The following GPC3 variants were observed in gnomAD, a reference collection of about 807,000 sequenced individuals.
GPC3 encodes the protein glypican-3.
In GPC3, 3 loss-of-function variants were observed where a neutral mutation model predicts 34.4. The observed-to-expected ratio is 0.09, with a 90% CI of 0.04 to 0.23. The LOEUF (loss-of-function observed/expected upper bound fraction) is 0.23, where lower values mean the gene tolerates loss of function less well. Ranked by LOEUF, GPC3 falls within the 10% of genes least tolerant of loss-of-function variation. The pLI is 1.00. For synonymous variants in GPC3, 177 were observed against 174.0 expected (o/e 1.02, Z -0.13); for missense variants, 351 against 445.6 (o/e 0.79, Z 1.91).
chrX:133,889,260 G>A (rs1036321016), intron 2 of GPC3, among the ~76,000 whole-genome samples: 4 of 112,039 alleles, frequency 3.6e-5, no homozygotes, highest in African/African-American at 1.3e-4. Flanking sequence ...TAATTTTTCA[G>A]TAAAAGCCAA....
intron 2 of GPC3, among the ~76,000 whole-genome samples, chrX:133,856,142 G>A (rs1332794551): frequency 1.8e-5 from 2 of 112,001 alleles, no homozygotes; most frequent in African/African-American, 6.5e-5. Context: ...ACAGAAGAGC[G>A]ACTGCTGAGT....
chrX:133,809,860 A>G (rs1438491099), intron 2 of GPC3, among the ~76,000 whole-genome samples: 4 of 111,574 alleles, frequency 3.6e-5, no homozygotes, highest in African/African-American at 1.3e-4. Flanking sequence ...ACTACTGGTA[A>G]TAAAGTTTCT....
At position 133,640,523 on chromosome X, in the gene GPC3, G is replaced by A. The variant is rs780455202; in HGVS notation, c.1413+21207C>T. ...GGGAACTATGTCCCAAAAGCACGCC[G>A]CTCTGGCAGCCTCTGCCGAAGGCCC... is the stretch of plus-strand genomic sequence containing the variant. On this transcript the variant is annotated intron_variant, in intron 6 of 7. Transcript: ENST00000370818. 5.9e-4 allele frequency among the ~76,000 whole-genome samples: 66 copies of A among 112,334 alleles called. 2 individuals are homozygous for A. The highest frequency in any genetic ancestry group is 3.2e-5 in the African/African-American group (1 of 30,894).
chrX:133,849,947 T>G (rs2075864615), intron 2 of GPC3, among the ~76,000 whole-genome samples: 1 of 111,785 alleles, frequency 8.9e-6, no homozygotes, highest in South Asian at 3.8e-4. Context: ...ACAGCCATCT[T>G]CTGGGTTTAA....
At chrX:133,643,836 T>C (rs970350225) in intron 6 of GPC3, among the ~76,000 whole-genome samples, 15 of 108,789 alleles carry the variant, frequency 1.4e-4, no homozygotes, top group Non-Finnish European at 5.7e-5. Flanking sequence ...TTTATGTTTT[T>C]TTTTTTTTTG....
At chrX:133,578,942 T>C (rs1022640615) in intron 7 of GPC3, among the ~76,000 whole-genome samples, 2 of 110,463 alleles carry the variant, frequency 1.8e-5, no homozygotes, top group Admixed American at 1.9e-4. Flanking sequence ...TGCTACAGGA[T>C]CAAGACCAAG....
chrX:133,936,845 C>T (rs2076325540), intron 2 of GPC3, among the ~76,000 whole-genome samples: 1 of 111,793 alleles, frequency 8.9e-6, no homozygotes, highest in East Asian at 2.8e-4. Context: ...TAACCTGGAG[C>T]TTCCACATTT....
intron 2 of GPC3, among the ~76,000 whole-genome samples, chrX:133,883,594 T>TA (rs777016673): frequency 1.3e-4 from 14 of 111,989 alleles, no homozygotes; most frequent in African/African-American, 3.6e-4. Context: ...AGAAGGCAAT[T>TA]AAGCTGAAGA....
chrX:133,555,810 A>G (rs929623844), intron 7 of GPC3, among the ~76,000 whole-genome samples: 4 of 107,752 alleles, frequency 3.7e-5, no homozygotes, highest in Non-Finnish European at 7.7e-5. Context: ...CCTGGGTGAC[A>G]AGGCGAGACT....
chrX:133,650,166 G>T lies in GPC3; in HGVS notation c.1413+11564C>A, dbSNP rs189685797. On this transcript the variant is annotated intron_variant, in intron 6 of 7. Coordinates refer to ENST00000370818, the MANE Select transcript of GPC3 (RefSeq NM_004484.4). The stretch of plus-strand genomic sequence containing the variant: ...CCAATAAGGATATCATGTCAACCGG[G>T]TTTTAAATATAGGAACCTCTCACCA... Among the ~76,000 whole-genome samples, 609 of 111,584 alleles carry T rather than the reference G, an allele frequency of 5.5e-3. 3 individuals carry two copies. The highest frequency in any genetic ancestry group is 9.4e-3 in the Non-Finnish European group (501 of 53,149).
intron 7 of GPC3, among the ~76,000 whole-genome samples, chrX:133,539,982 T>G (rs911130040): frequency 1.8e-5 from 2 of 112,746 alleles, no homozygotes; most frequent in African/African-American, 3.2e-5. Context: ...GCATCACAGT[T>G]GAGGGTTAGA....
chrX:133,780,744 G>A, intron 2 of GPC3, among the ~76,000 whole-genome samples: 1 of 111,591 alleles, frequency 9.0e-6, no homozygotes, highest in Non-Finnish European at 1.9e-5. Context: ...GGAGATCAAT[G>A]GGCAACATCA....
chrX:133,574,779 G>A (rs2069663265), intron 7 of GPC3, among the ~76,000 whole-genome samples: 1 of 112,411 alleles, frequency 8.9e-6, no homozygotes, highest in Non-Finnish European at 1.9e-5. Context: ...CACTCCATCT[G>A]CATTCTTATC....
intron 2 of GPC3, chrX:133,762,695 A>G (rs927443288): frequency 2.9e-6 from 1 of 340,602 alleles, no homozygotes; most frequent in Non-Finnish European, 5.2e-6. Context: ...AATGACTATT[A>G]TTAAAAAGTC....
At position 133,822,722 on chromosome X, in the gene GPC3, T is replaced by C. The variant is rs141661662; in HGVS notation, c.338-68546A>G. Among the ~76,000 whole-genome samples, 1,040 of 111,541 alleles carry C rather than the reference T, an allele frequency of 9.3e-3. 13 individuals carry two copies. Among genetic ancestry groups the C allele is most frequent in the African/African-American group, 0.032 (983 of 30,663 alleles). On this transcript the variant is annotated intron_variant, in intron 2 of 7. Transcript: ENST00000370818. ...TACTATATCATATGCCAAACATTTATATGTGTTTAAAAGATGAAATTAAAC... is the reference window on the plus strand; with the variant it reads ...TACTATATCATATGCCAAACATTTACATGTGTTTAAAAGATGAAATTAAAC...
chrX:133,950,797 G>A (rs1342608860), intron 2 of GPC3, among the ~76,000 whole-genome samples: 2 of 111,381 alleles, frequency 1.8e-5, no homozygotes, highest in Non-Finnish European at 3.8e-5. Flanking sequence ...AGGATTTAGG[G>A]GCAATGTCTT....
chrX:133,739,589 T>C (rs756892796), intron 3 of GPC3, among the ~76,000 whole-genome samples: 3 of 111,403 alleles, frequency 2.7e-5, no homozygotes, highest in Non-Finnish European at 3.8e-5. Flanking sequence ...CTCATGCCTG[T>C]AATCCCAGCA....
At chrX:133,901,580 ACAGGCCCG>A (rs2076144156) in intron 2 of GPC3, among the ~76,000 whole-genome samples, 1 of 110,936 alleles carries the variant, frequency 9.0e-6, no homozygotes, top group Non-Finnish European at 1.9e-5. Flanking sequence ...AGCTGGGACT[ACAGGCCCG>A]CACCACCACA....
chrX:133,974,685 T>A (rs1438999642), intron 1 of GPC3, among the ~76,000 whole-genome samples: 5 of 111,576 alleles, frequency 4.5e-5, no homozygotes, highest in Non-Finnish European at 9.4e-5. Flanking sequence ...CTTAAGCCTA[T>A]ATGCTGATGA....
Sources: allele counts gnomAD v4.1 joint callset (sites outside exome capture counted in the v4.1 genomes callset), GRCh38; gene constraint gnomAD v4.1.1; transcripts MANE v1.5; gene names NCBI Gene and HGNC (gene_info 2026-07-23, HGNC 2026-07-21).